Variants in RAP1A observed in about 807,000 individuals in gnomAD.
The protein encoded by RAP1A is ras-related protein Rap-1A.
In RAP1A, 6 loss-of-function variants were observed where a neutral mutation model predicts 26.4. That is an observed-to-expected ratio of 0.23 (90% CI 0.12 to 0.45). RAP1A has a LOEUF of 0.45. Ranked by LOEUF, RAP1A falls within the 20% of genes least tolerant of loss-of-function variation. RAP1A has a pLI of 0.99. For synonymous variants in RAP1A, 73 were observed against 79.4 expected (o/e 0.92, Z 0.43); for missense variants, 121 against 217.2 (o/e 0.56, Z 2.78).
intron 1 of RAP1A, among the ~76,000 whole-genome samples, chr1:111,645,096 T>C (rs1196634460): frequency 6.6e-6 from 1 of 152,186 alleles, no homozygotes; most frequent in East Asian, 1.9e-4. Context: ...GAGGGTCTTA[T>C]TAACACAGTG....
At chr1:111,704,268 A>C (rs2101291861) in intron 5 of RAP1A, 75 bp from the exon 6 acceptor site, 1 of 1,477,972 alleles carries the variant, frequency 6.8e-7, no homozygotes, top group Non-Finnish European at 9.2e-7. Context: ...GTGGCAGATA[A>C]TTGCTTATTT....
chr1:111,617,685 T>C (rs1242005140), upstream of RAP1A, among the ~76,000 whole-genome samples: 6 of 150,534 alleles, frequency 4.0e-5, no homozygotes, highest in African/African-American at 7.3e-5. Context: ...CCACCCGCCT[T>C]GGCCTCCCAA....
chr1:111,589,110 G>A (rs541192868), intron 1 of RAP1A, among the ~76,000 whole-genome samples: 67 of 152,194 alleles, frequency 4.4e-4, no homozygotes, highest in Admixed American at 8.5e-4. Context: ...TTGTTTTGGT[G>A]TCTTGATGAT....
chr1:111,653,087 A>G (rs996375569), intron 1 of RAP1A, among the ~76,000 whole-genome samples: 3 of 152,220 alleles, frequency 2.0e-5, no homozygotes, highest in Non-Finnish European at 4.4e-5. Flanking sequence ...ATAAAAAGGA[A>G]TGAAATACTG....
intron 1 of RAP1A, among the ~76,000 whole-genome samples, chr1:111,567,267 G>A (rs762625252): frequency 6.6e-6 from 1 of 152,156 alleles, no homozygotes; most frequent in African/African-American, 2.4e-5. Context: ...TGAGGTGAAA[G>A]GTGCTTGGGT....
At chr1:111,624,459 C>G (rs369267799) in intron 1 of RAP1A, among the ~76,000 whole-genome samples, 1 of 152,152 alleles carries the variant, frequency 6.6e-6, no homozygotes, top group East Asian at 1.9e-4. Context: ...CTGCATAATT[C>G]ACATTCTCTC....
intron 1 of RAP1A, among the ~76,000 whole-genome samples, chr1:111,687,749 C>T (rs1042463984): frequency 3.9e-5 from 6 of 152,096 alleles, no homozygotes; most frequent in African/African-American, 1.2e-4. Context: ...TGTGCTGGCT[C>T]ATGCCTGTAA....
rs571142232 is a variant in RAP1A, at chr1:111,715,593, A to T, written c.*3192A>T. 2.6e-5 allele frequency: 4 copies of T among 152,246 alleles called. No individual in the cohort carries two copies. In the South Asian group the frequency reaches 8.3e-4, roughly 32 times the overall value. The allele number at this position is 152,246 out of a possible 1,614,324, so 9.4% of individuals were successfully genotyped here. The stretch of plus-strand genomic sequence containing the variant: ...CTTAAGAACTTTTGGCAAAATATGG[A>T]TGTTGGTGTGTTACTCTCTTCTCCC... On this transcript the variant is annotated 3_prime_UTR_variant, in exon 8 of 8. Coordinates refer to ENST00000369709, the MANE Select transcript of RAP1A (RefSeq NM_002884.4).
intron 4 of RAP1A, among the ~76,000 whole-genome samples, chr1:111,702,885 A>T (rs1662066244): frequency 6.6e-6 from 1 of 152,146 alleles, no homozygotes; most frequent in South Asian, 2.1e-4. Context: ...TAAAGAGTTT[A>T]TTGACTGTCA....
intron 1 of RAP1A, among the ~76,000 whole-genome samples, chr1:111,569,900 A>G (rs781452654): frequency 2.0e-5 from 3 of 152,152 alleles, no homozygotes; most frequent in African/African-American, 4.8e-5. Context: ...ATTAACAAGA[A>G]ATATTAAGAA....
At chr1:111,594,373 G>A (rs1658522624) in intron 1 of RAP1A, among the ~76,000 whole-genome samples, 1 of 152,098 alleles carries the variant, frequency 6.6e-6, no homozygotes, top group South Asian at 2.1e-4. Flanking sequence ...CCAGCTACTT[G>A]GGAGGCTAAG....
At chr1:111,645,732 C>T (rs1660044355) in intron 1 of RAP1A, among the ~76,000 whole-genome samples, 7 of 152,174 alleles carry the variant, frequency 4.6e-5, no homozygotes. Context: ...GAAACTGAGG[C>T]TCAGAGAGGT....
chr1:111,562,316 C>A (rs1274627510), intron 1 of RAP1A, among the ~76,000 whole-genome samples: 1 of 152,134 alleles, frequency 6.6e-6, no homozygotes, highest in African/African-American at 2.4e-5. Context: ...TTTCCTCAAC[C>A]ATAATAGGAG....
chr1:111,677,591 A>T (rs760068153), intron 1 of RAP1A, among the ~76,000 whole-genome samples: 2 of 152,218 alleles, frequency 1.3e-5, no homozygotes, highest in Non-Finnish European at 2.9e-5. Context: ...GTTCACTAAC[A>T]TAATTGGCAA....
At chr1:111,650,744 GTATATTC>G (rs1660240714) in intron 1 of RAP1A, among the ~76,000 whole-genome samples, 1 of 151,964 alleles carries the variant, frequency 6.6e-6, no homozygotes, top group Non-Finnish European at 1.5e-5. Context: ...TTTTGGTTTT[GTATATTC>G]TATGGGTTTG....
chr1:111,576,846 G>A (rs1247677956), intron 1 of RAP1A, among the ~76,000 whole-genome samples: 3 of 152,204 alleles, frequency 2.0e-5, no homozygotes, highest in East Asian at 1.9e-4. Context: ...GGAAGCGGGA[G>A]TATGGAGAGG....
chr1:111,543,760 A>G (rs1033212014), intron 1 of RAP1A, among the ~76,000 whole-genome samples: 1 of 151,530 alleles, frequency 6.6e-6, no homozygotes, highest in African/African-American at 2.4e-5. Flanking sequence ...CCTACTGCAG[A>G]TTGGACAGCT....
upstream of RAP1A, among the ~76,000 whole-genome samples, chr1:111,618,421 T>C (rs1659061739): frequency 6.6e-6 from 1 of 152,240 alleles, no homozygotes; most frequent in Non-Finnish European, 1.5e-5. Context: ...GTGTTTCTCC[T>C]GCCCTGACTG....
At chr1:111,610,750 T>C (rs1377493238) in intron 1 of RAP1A, among the ~76,000 whole-genome samples, 1 of 152,240 alleles carries the variant, frequency 6.6e-6, no homozygotes, top group Non-Finnish European at 1.5e-5. Flanking sequence ...TTAATCTTCC[T>C]GTAAGGCTGC....
Sources: gnomAD v4.1 joint callset for allele counts (sites outside exome capture counted in the v4.1 genomes callset) on GRCh38, gnomAD v4.1.1 for gene constraint, MANE v1.5 for transcripts, NCBI Gene and HGNC (gene_info 2026-07-23, HGNC 2026-07-21) for gene names.